The following XNDC1N variants were observed in gnomAD, a reference collection of about 807,000 sequenced individuals.
XNDC1N encodes the protein protein XNDC1N.
At chr11:71,898,580 CG>C in the XNDC1N span, among the ~76,000 whole-genome samples, 2 of 152,108 alleles carry the variant, frequency 1.3e-5, no homozygotes, top group Admixed American at 6.6e-5. Flanking sequence ...GCACTCCAGC[CG>C]GGGTGACAGA....
the XNDC1N span, among the ~76,000 whole-genome samples, chr11:71,890,015 G>A: frequency 6.6e-6 from 1 of 152,136 alleles, no homozygotes; most frequent in Non-Finnish European, 1.5e-5. Context: ...AAGGTATTGG[G>A]GATCACACGG....
At chr11:71,913,225 T>G in the XNDC1N span, among the ~76,000 whole-genome samples, 1 of 151,928 alleles carries the variant, frequency 6.6e-6, no homozygotes, top group African/African-American at 2.4e-5. Flanking sequence ...CCTGTGGATA[T>G]TAGGAAGAGT....
the XNDC1N span, among the ~76,000 whole-genome samples, chr11:71,876,985 G>C: frequency 1.4e-4 from 21 of 152,248 alleles, no homozygotes; most frequent in African/African-American, 4.8e-4. Context: ...AGCAACTCAG[G>C]AGGAAGGAAC....
At chr11:71,891,082 G>C in the XNDC1N span, among the ~76,000 whole-genome samples, 3 of 151,898 alleles carry the variant, frequency 2.0e-5, no homozygotes, top group African/African-American at 7.3e-5. Flanking sequence ...GATATTCAAC[G>C]TAACCTTATC....
At chr11:71,896,367 G>T in the XNDC1N span, among the ~76,000 whole-genome samples, 1 of 152,348 alleles carries the variant, frequency 6.6e-6, no homozygotes, top group South Asian at 2.1e-4. Flanking sequence ...GATAGGGAAT[G>T]AAGAAAAGTG....
chr11:71,893,499 C>T, the XNDC1N span: 37 of 766,692 alleles, frequency 4.8e-5, no homozygotes, highest in South Asian at 5.0e-4. Context: ...TCTGAGAATT[C>T]CTCCTCCTGG....
At chr11:71,917,603 T>A in the XNDC1N span, 2 of 703,754 alleles carry the variant, frequency 2.8e-6, no homozygotes, top group Non-Finnish European at 5.2e-6. Flanking sequence ...CCATCTTTTC[T>A]GCTTTTGCCC....
At chr11:71,867,565 G>A in the XNDC1N span, among the ~76,000 whole-genome samples, 1 of 152,196 alleles carries the variant, frequency 6.6e-6, no homozygotes, top group Non-Finnish European at 1.5e-5. Context: ...TCATTCAGGA[G>A]CAGGTTGTTT....
the XNDC1N span, among the ~76,000 whole-genome samples, chr11:71,906,508 G>A: frequency 6.6e-6 from 1 of 151,946 alleles, no homozygotes; most frequent in Non-Finnish European, 1.5e-5. Context: ...ACATGCATTG[G>A]GACATCGGTA....
At chr11:71,891,920 G>C in the XNDC1N span, among the ~76,000 whole-genome samples, 3 of 151,760 alleles carry the variant, frequency 2.0e-5, no homozygotes, top group Non-Finnish European at 2.9e-5. Flanking sequence ...CTGTGATATT[G>C]GGAGTAACAT....
At chr11:71,905,109 T>C in the XNDC1N span, among the ~76,000 whole-genome samples, 2 of 151,980 alleles carry the variant, frequency 1.3e-5, no homozygotes, top group Non-Finnish European at 2.9e-5. Context: ...TTTCCTAGGA[T>C]ATTATGGATA....
At chr11:71,904,207 G>A in the XNDC1N span, 4 of 400,324 alleles carry the variant, frequency 1.0e-5, no homozygotes, top group Non-Finnish European at 1.5e-5. Flanking sequence ...ATATCACAGG[G>A]TGAACACCCA....
At chr11:71,927,220 C>A in the XNDC1N span, among the ~76,000 whole-genome samples, 1 of 152,028 alleles carries the variant, frequency 6.6e-6, no homozygotes, top group Non-Finnish European at 1.5e-5. Flanking sequence ...GCACTCCAGC[C>A]TGGGCGACAG....
the XNDC1N span, among the ~76,000 whole-genome samples, chr11:71,902,138 C>T: frequency 6.6e-6 from 1 of 152,126 alleles, no homozygotes; most frequent in Non-Finnish European, 1.5e-5. Context: ...TTGACACTTC[C>T]TTGCTTCACC....
chr11:71,876,412 T>C, the XNDC1N span, among the ~76,000 whole-genome samples: 1,045 of 152,312 alleles, frequency 6.9e-3, 12 homozygotes, highest in African/African-American at 0.024. Context: ...GATGTTCATC[T>C]GGTACCTACT....
the XNDC1N span, among the ~76,000 whole-genome samples, chr11:71,921,439 T>C: frequency 3.3e-5 from 5 of 152,064 alleles, no homozygotes; most frequent in Non-Finnish European, 5.9e-5. Flanking sequence ...CCACCGCACC[T>C]GGCTAATTTT....
At chr11:71,897,423 C>T in the XNDC1N span, among the ~76,000 whole-genome samples, 1 of 152,106 alleles carries the variant, frequency 6.6e-6, no homozygotes, top group Non-Finnish European at 1.5e-5. Flanking sequence ...TCAGAAGACG[C>T]GAGTAGACGT....
chr11:71,880,561 G>T, the XNDC1N span, among the ~76,000 whole-genome samples: 1 of 151,932 alleles, frequency 6.6e-6, no homozygotes, highest in Non-Finnish European at 1.5e-5. Context: ...CCTAAGTTTG[G>T]ATTTCATTTT....
At chr11:71,906,625 C>T in the XNDC1N span, among the ~76,000 whole-genome samples, 1 of 152,146 alleles carries the variant, frequency 6.6e-6, no homozygotes, top group Non-Finnish European at 1.5e-5. Context: ...ACAGGGTCTA[C>T]ATGCCCTGTG....
Sources: gnomAD v4.1 joint callset for allele counts (sites outside exome capture counted in the v4.1 genomes callset) on GRCh38, gnomAD v4.1.1 for gene constraint, MANE v1.5 for transcripts, NCBI Gene and HGNC (gene_info 2026-07-23, HGNC 2026-07-21) for gene names.